Variants in SLC25A13 observed in about 807,000 individuals in gnomAD.
SLC25A13 encodes the protein solute carrier family 25 member 13, also known as electrogenic aspartate/glutamate antiporter SLC25A13, mitochondrial.
Under a neutral mutation model 85.5 loss-of-function variants are expected in SLC25A13, and 70 were observed. That is an observed-to-expected ratio of 0.82 (90% CI 0.68 to 1.00). The LOEUF (loss-of-function observed/expected upper bound fraction) is 1.00. SLC25A13 is among the 50% of genes least tolerant of loss of function. The pLI, the probability that SLC25A13 is intolerant of heterozygous loss-of-function variation, is 0.00. For synonymous variants in SLC25A13, 259 were observed against 288.7 expected (o/e 0.90, Z 1.04); for missense variants, 765 against 819.8 (o/e 0.93, Z 0.82).
chr7:96,287,870 T>C (rs943911766), intron 2 of SLC25A13, among the ~76,000 whole-genome samples: 1 of 152,234 alleles, frequency 6.6e-6, no homozygotes, highest in Non-Finnish European at 1.5e-5. Context: ...GCTAATGAGC[T>C]ACTTTCCATT....
intron 3 of SLC25A13, among the ~76,000 whole-genome samples, chr7:96,248,293 TTACCACTCC>T (rs1475202156): frequency 6.6e-6 from 1 of 152,168 alleles, no homozygotes; most frequent in African/African-American, 2.4e-5. Flanking sequence ...ATTTATTTTC[TTACCACTCC>T]TAGTATAGGA....
At chr7:96,152,852 A>G (rs1793104423) in intron 13 of SLC25A13, among the ~76,000 whole-genome samples, 1 of 152,328 alleles carries the variant, frequency 6.6e-6, no homozygotes, top group East Asian at 1.9e-4. Flanking sequence ...CTACTGACAC[A>G]GGGAGGCAAA....
intron 13 of SLC25A13, among the ~76,000 whole-genome samples, chr7:96,168,098 G>GAAAAACAAAAA (rs1793837859): frequency 5.1e-5 from 1 of 19,694 alleles, no homozygotes; most frequent in Non-Finnish European, 1.3e-4. Flanking sequence ...AACTCTGTCT[G>GAAAAACAAAAA]AAAAAAAAAA....
intron 13 of SLC25A13, among the ~76,000 whole-genome samples, chr7:96,169,206 G>A (rs1017154892): frequency 3.3e-5 from 5 of 152,016 alleles, no homozygotes; most frequent in African/African-American, 9.7e-5. Flanking sequence ...ATTGCCCAAC[G>A]TCTACATTCA....
Position 96,191,156 on chromosome 7 carries a change from A to G in SLC25A13, c.707T>C (p.Ile236Thr), listed in dbSNP as rs932337576. 3 of 1,614,028 alleles carry G rather than the reference A, an allele frequency of 1.9e-6. No individual in the cohort carries two copies. The highest frequency in any genetic ancestry group is 1.1e-5 in the South Asian group (1 of 91,082). Residue 236 changes from isoleucine to threonine, a missense_variant, in exon 7 of 18, where the codon ATC becomes ACC. Coordinates refer to ENST00000265631, the MANE Select transcript of SLC25A13 (RefSeq NM_014251.3). ...CCTGGTGCCAGCCAGAGTGCTATAGATCTTTCTAATGAGTTCCATGTTGTT... is the reference window on the plus strand; with the variant it reads ...CCTGGTGCCAGCCAGAGTGCTATAGGTCTTTCTAATGAGTTCCATGTTGTT... ...LLNNMELIRK[I>T]YSTLAGTRKD... is the part of the protein sequence containing the mutation.
rs1387049435 is a variant in SLC25A13, at chr7:96,169,795, T to C, written c.1311+250A>G. On this transcript the variant is annotated intron_variant, in intron 13 of 17. Transcript: ENST00000265631. ...ACACTTCTGCCACAAATGACTTCCA[T>C]TGCAGAACAAACCATAAGCAATGAC... The C allele has an allele frequency of 1.1e-5, 6 of 528,710 alleles. 1 individual carries two copies. Among genetic ancestry groups the C allele is most frequent in the South Asian group, 8.7e-5 (3 of 34,448 alleles). The allele number at this position is 528,710 out of a possible 1,614,324, so 32.8% of individuals were successfully genotyped here.
chr7:96,135,826 A>G (rs536288816), intron 14 of SLC25A13, among the ~76,000 whole-genome samples: 2 of 151,142 alleles, frequency 1.3e-5, no homozygotes, highest in South Asian at 4.2e-4. Flanking sequence ...CATTCCTGCC[A>G]TATAAGAAAA....
At chr7:96,188,255 T>G (rs2116644395) in intron 9 of SLC25A13, among the ~76,000 whole-genome samples, 1 of 152,376 alleles carries the variant, frequency 6.6e-6, no homozygotes, top group East Asian at 1.9e-4. Flanking sequence ...ATCGGCTTCC[T>G]CTTTTAAGCA....
intron 5 of SLC25A13, among the ~76,000 whole-genome samples, chr7:96,194,093 A>G (rs1794960404): frequency 6.6e-6 from 1 of 152,054 alleles, no homozygotes; most frequent in South Asian, 2.1e-4. Context: ...CACTCTGCTC[A>G]TTTCCCAAAC....
Position 96,131,885 on chromosome 7 carries a change from C to T in SLC25A13, c.1453-4G>A, listed in dbSNP as rs191239117. 37 of 1,613,564 alleles carry T rather than the reference C, an allele frequency of 2.3e-5. No individual in the cohort carries two copies. Among genetic ancestry groups the T allele is most frequent in the Non-Finnish European group, 2.3e-5 (27 of 1,179,684 alleles). Reference sequence around the variant, plus strand: ...GCAGAAAGCATGCTTTGGCACCCTGCACATTTGCAAAGGAAGAAAAACCAC... The same window carrying T: ...GCAGAAAGCATGCTTTGGCACCCTGTACATTTGCAAAGGAAGAAAAACCAC... On this transcript the variant is annotated splice_polypyrimidine_tract_variant and splice_region_variant and intron_variant, in intron 14 of 17. Coordinates refer to ENST00000265631, the MANE Select transcript of SLC25A13 (RefSeq NM_014251.3).
At chr7:96,302,589 C>T (rs756366296) in intron 1 of SLC25A13, among the ~76,000 whole-genome samples, 1 of 152,174 alleles carries the variant, frequency 6.6e-6, no homozygotes, top group Non-Finnish European at 1.5e-5. Flanking sequence ...AGATGTGAGA[C>T]CACCATCTCT....
chr7:96,241,405 A>AT (rs1218106007), intron 3 of SLC25A13, among the ~76,000 whole-genome samples: 1 of 152,256 alleles, frequency 6.6e-6, no homozygotes, highest in African/African-American at 2.4e-5. Flanking sequence ...CAACCTCAAT[A>AT]TACAACAATA....
At chr7:96,166,695 A>C (rs1294650274) in intron 13 of SLC25A13, among the ~76,000 whole-genome samples, 1 of 152,178 alleles carries the variant, frequency 6.6e-6, no homozygotes, top group African/African-American at 2.4e-5. Context: ...TTTTTCTTAA[A>C]GTAACAGCAA....
At chr7:96,232,793 A>G (rs748161972) in intron 4 of SLC25A13, among the ~76,000 whole-genome samples, 1 of 152,132 alleles carries the variant, frequency 6.6e-6, no homozygotes. Flanking sequence ...TAAAGTAGTT[A>G]TTACCCCGAT....
intron 5 of SLC25A13, among the ~76,000 whole-genome samples, chr7:96,203,051 T>C (rs1036554165): frequency 6.6e-6 from 1 of 152,170 alleles, no homozygotes; most frequent in Non-Finnish European, 1.5e-5. Flanking sequence ...CCGGTCTCCC[T>C]CTCCTTGGTC....
In SLC25A13 at chr7:96,134,663, G is replaced by A. The variant is rs1273031137; in HGVS notation, c.1453-2782C>T. The stretch of plus-strand genomic sequence containing the variant: ...TTCTTCCTTTCCTGAAATCATGACA[G>A]TAAATCATGTATCCCTGTTACAATG... On this transcript the variant is annotated intron_variant, in intron 14 of 17. Coordinates refer to ENST00000265631, the MANE Select transcript of SLC25A13 (RefSeq NM_014251.3). Among the ~76,000 whole-genome samples the A allele has an allele frequency of 2.0e-5, 3 of 151,718 alleles. No individual in the cohort carries two copies. In the East Asian group the frequency reaches 5.8e-4, roughly 30 times the overall value.
chr7:96,222,739 C>T (rs1213593523), intron 4 of SLC25A13, among the ~76,000 whole-genome samples: 2 of 152,014 alleles, frequency 1.3e-5, no homozygotes, highest in Non-Finnish European at 2.9e-5. Context: ...CCACTGCGCC[C>T]GGCTCTTTTT....
intron 1 of SLC25A13, 54 bp from the exon 2 acceptor site, chr7:96,297,005 G>C: frequency 6.9e-7 from 1 of 1,449,020 alleles, no homozygotes; most frequent in Non-Finnish European, 9.7e-7. Flanking sequence ...GAGAAATCAA[G>C]CTAGCCGACT....
chr7:96,284,855 T>C (rs1370893265), intron 2 of SLC25A13, among the ~76,000 whole-genome samples: 3 of 152,262 alleles, frequency 2.0e-5, no homozygotes, highest in Non-Finnish European at 1.5e-5. Context: ...CCTCTTTGCC[T>C]GATAAATTAC....
Sources: gnomAD v4.1 joint callset for allele counts (sites outside exome capture counted in the v4.1 genomes callset) on GRCh38, gnomAD v4.1.1 for gene constraint, MANE v1.5 for transcripts, NCBI Gene and HGNC (gene_info 2026-07-23, HGNC 2026-07-21) for gene names.